KANK1: variants seen among roughly 807,000 people sequenced by gnomAD.
KANK1 encodes KN motif and ankyrin repeat domains 1.
In KANK1, 109 loss-of-function variants were observed where a neutral mutation model predicts 106.2. That is an observed-to-expected ratio of 1.03 (90% CI 0.88 to 1.20). The LOEUF is 1.20. KANK1 is among the 50% of genes most tolerant of loss of function. KANK1 has a pLI of 0.00. For synonymous variants in KANK1, 873 were observed against 652.2 expected (o/e 1.34, Z -5.16); for missense variants, 2,399 against 1,710.7 (o/e 1.40, Z -7.10).
chr9:593,483 T>G (rs1825497942), intron 1 of KANK1, among the ~76,000 whole-genome samples: 1 of 149,556 alleles, frequency 6.7e-6, no homozygotes, highest in Admixed American at 6.6e-5. Flanking sequence ...TTTTTTTTTT[T>G]GACTAATGTC....
rs534168618 is a variant in KANK1 at position 590,388 on chromosome 9, A to G, written c.-84+85634A>G. On this transcript the variant is annotated intron_variant, in intron 1 of 11. Coordinates refer to ENST00000382297, the MANE Select transcript of KANK1 (RefSeq NM_015158.5). ...TCTAACATTACCATTTTCTCATCCAACTCCAGTCTACGCTGCCTCCTCTCC... is the reference window on the plus strand; with the variant it reads ...TCTAACATTACCATTTTCTCATCCAGCTCCAGTCTACGCTGCCTCCTCTCC... 2.0e-5 allele frequency among the ~76,000 whole-genome samples: 3 copies of G among 152,012 alleles called. No homozygotes were observed. The South Asian group carries it at 6.2e-4, about 32-fold the overall frequency.
chr9:569,678 T>A lies in KANK1; in HGVS notation c.-84+64924T>A, dbSNP rs546493639. Among the ~76,000 whole-genome samples, 3 of 152,364 alleles carry A rather than the reference T, an allele frequency of 2.0e-5. No homozygotes were observed. In the East Asian group the frequency reaches 5.8e-4, roughly 29 times the overall value. On this transcript the variant is annotated intron_variant, in intron 1 of 11. Coordinates refer to ENST00000382297, the MANE Select transcript of KANK1 (RefSeq NM_015158.5). The stretch of plus-strand genomic sequence containing the variant: ...ACTGAGACAATACGTATATTCTAAT[T>A]GTGTTCACTTTTCTTTCATCTAGAC...
intron 1 of KANK1, among the ~76,000 whole-genome samples, chr9:555,216 C>T (rs930402836): frequency 1.3e-5 from 2 of 152,170 alleles, no homozygotes; most frequent in African/African-American, 2.4e-5. Flanking sequence ...TCTTATACCA[C>T]GTCAGTAATC....
At chr9:703,515 G>C (rs1205387729) in intron 2 of KANK1, among the ~76,000 whole-genome samples, 3 of 152,062 alleles carry the variant, frequency 2.0e-5, no homozygotes, top group Non-Finnish European at 4.4e-5. Context: ...TGGATTTCCA[G>C]ACATTCAAAA....
chr9:671,028 G>A (rs10975700), intron 1 of KANK1, among the ~76,000 whole-genome samples: 2 of 146,238 alleles, frequency 1.4e-5, no homozygotes, highest in Non-Finnish European at 3.0e-5. Context: ...TGAGTTCTGA[G>A]AGATTGCTGG....
intron 1 of KANK1, among the ~76,000 whole-genome samples, chr9:655,232 A>G (rs1841867789): frequency 1.3e-5 from 2 of 151,994 alleles, no homozygotes; most frequent in South Asian, 2.1e-4. Context: ...TTAGTCGGGC[A>G]TGATGGCACA....
At chr9:720,740 C>G (rs1471198701) in intron 3 of KANK1, among the ~76,000 whole-genome samples, 3 of 152,194 alleles carry the variant, frequency 2.0e-5, no homozygotes, top group Non-Finnish European at 4.4e-5. Context: ...TCAAACCATC[C>G]TCCAGCCTCA....
chr9:732,642 C>A lies in KANK1; in HGVS notation c.3245+25C>A, dbSNP rs576828922. On this transcript the variant is annotated intron_variant, in intron 6 of 11. Transcript: ENST00000382297. ...GGTGTGGTACATTCCCCTTCCCTCCCTTGCCCCTCCCACATTTAATGTACT... is the reference window on the plus strand; with the variant it reads ...GGTGTGGTACATTCCCCTTCCCTCCATTGCCCCTCCCACATTTAATGTACT... 3.2e-5 allele frequency: 52 copies of A among 1,605,186 alleles called. No homozygotes were observed. In the South Asian group the frequency reaches 5.5e-4, roughly 17 times the overall value.
chr9:641,897 G>A lies in KANK1; in HGVS notation c.-83-34993G>A, dbSNP rs531336192. 5.9e-5 allele frequency among the ~76,000 whole-genome samples: 9 copies of A among 152,106 alleles called. No individual in the cohort carries two copies. In the South Asian group the frequency reaches 8.3e-4, roughly 14 times the overall value. On this transcript the variant is annotated intron_variant, in intron 1 of 11. Coordinates refer to ENST00000382297, the MANE Select transcript of KANK1 (RefSeq NM_015158.5). ...TGGTTTTTAGTAAATTAACATAATC[G>A]TGTAACCATTGGCATAAACAACATT...
chr9:496,380 C>G (rs952909061), intron 3 of KANK1, among the ~76,000 whole-genome samples: 2 of 152,136 alleles, frequency 1.3e-5, no homozygotes, highest in Non-Finnish European at 2.9e-5. Flanking sequence ...AGGGTCAAAT[C>G]CCATCCCTAC....
At chr9:540,371 C>G (rs1490530745) in intron 1 of KANK1, 1 of 152,126 alleles carries the variant, frequency 6.6e-6, no homozygotes, top group Non-Finnish European at 1.5e-5. Context: ...ATCTTTGCAT[C>G]CCAGGGATAA....
intron 1 of KANK1, among the ~76,000 whole-genome samples, chr9:668,297 T>C (rs1047194042): frequency 3.9e-5 from 6 of 152,210 alleles, no homozygotes; most frequent in Non-Finnish European, 7.3e-5. Context: ...AGATGATCTG[T>C]TCATTGGTGA....
At chr9:667,953 A>C (rs1476925325) in intron 1 of KANK1, among the ~76,000 whole-genome samples, 6 of 151,862 alleles carry the variant, frequency 4.0e-5, no homozygotes, top group Non-Finnish European at 7.4e-5. Flanking sequence ...CTGGTCCCGA[A>C]CTCCTGACAT....
chr9:647,805 A>C (rs1327181533), intron 1 of KANK1, among the ~76,000 whole-genome samples: 1 of 150,496 alleles, frequency 6.6e-6, no homozygotes, highest in East Asian at 1.9e-4. Context: ...AGAGATACGA[A>C]ATAGCCCGCA....
intron 2 of KANK1, among the ~76,000 whole-genome samples, chr9:697,173 C>T (rs1821525091): frequency 6.6e-6 from 1 of 151,554 alleles, no homozygotes; most frequent in Non-Finnish European, 1.5e-5. Flanking sequence ...TCGTTTTTAC[C>T]TTTTTTTCAT....
intron 2 of KANK1, among the ~76,000 whole-genome samples, chr9:682,445 A>G (rs985266931): frequency 2.0e-5 from 3 of 152,212 alleles, no homozygotes; most frequent in African/African-American, 7.2e-5. Context: ...AAGCTTTTAT[A>G]ATTTGGATAT....
chr9:583,277 T>A (rs1177141358), intron 1 of KANK1, among the ~76,000 whole-genome samples: 1 of 152,180 alleles, frequency 6.6e-6, no homozygotes, highest in African/African-American at 2.4e-5. Flanking sequence ...TCTGTTACAT[T>A]TTATCTGTAA....
chr9:568,866 A>T (rs1469781179), intron 1 of KANK1, among the ~76,000 whole-genome samples: 1 of 152,190 alleles, frequency 6.6e-6, no homozygotes, highest in Non-Finnish European at 1.5e-5. Context: ...ATTTTAAAAG[A>T]TCATGACCAC....
intron 1 of KANK1, among the ~76,000 whole-genome samples, chr9:563,026 C>T (rs966869111): frequency 2.0e-5 from 3 of 152,160 alleles, no homozygotes; most frequent in Non-Finnish European, 4.4e-5. Flanking sequence ...AAATCACTCT[C>T]ACAGCCAGAT....
Sources: allele counts gnomAD v4.1 joint callset (sites outside exome capture counted in the v4.1 genomes callset), GRCh38; gene constraint gnomAD v4.1.1; transcripts MANE v1.5; gene names NCBI Gene and HGNC (gene_info 2026-07-23, HGNC 2026-07-21).